Variants in NAA35 observed in about 807,000 individuals in gnomAD.
NAA35 encodes the protein N-alpha-acetyltransferase 35, NatC auxiliary subunit.
In NAA35, 18 loss-of-function variants were observed where a neutral mutation model predicts 101.7. That is an observed-to-expected ratio of 0.18 (90% confidence interval 0.12 to 0.26). NAA35 has a LOEUF of 0.26. Among genes scored for constraint, NAA35 ranks in the 10% least tolerant of loss-of-function variants. NAA35 has a pLI of 1.00. For missense variants in NAA35, 601 were observed against 886.8 expected, an observed-to-expected ratio of 0.68 and a Z score of 4.09; for synonymous variants, 267 against 273.1, an observed-to-expected ratio of 0.98 and a Z score of 0.22.
intron 11 of NAA35, among the ~76,000 whole-genome samples, chr9:85,985,186 A>T (rs1407077630): frequency 6.6e-6 from 1 of 152,198 alleles, no homozygotes; most frequent in Non-Finnish European, 1.5e-5. Context: ...GAGCCCTAAT[A>T]CAGTACTGAT....
intron 6 of NAA35, among the ~76,000 whole-genome samples, chr9:85,963,375 A>G (rs750217030): frequency 1.3e-4 from 18 of 142,696 alleles, no homozygotes; most frequent in Non-Finnish European, 1.5e-4. Context: ...GGTTCAAGCT[A>G]TTCTTGTGCC....
rs1480378763 is a variant in NAA35, at chr9:85,991,949, C to T, written c.878-4450C>T. Among the ~76,000 whole-genome samples, 14 of 152,022 alleles carry T rather than the reference C, an allele frequency of 9.2e-5. No homozygotes were observed. In the East Asian group the frequency reaches 1.6e-3, roughly 17 times the overall value. ...CAGCACTTTGGGAGGCCAAGGCAGG[C>T]GGATCACGAGGTCAGGAGATCAAGA... On this transcript the variant is annotated intron_variant, in intron 11 of 22. Coordinates refer to ENST00000361671, the MANE Select transcript of NAA35 (RefSeq NM_024635.4).
At position 85,978,364 on chromosome 9, in the gene NAA35, A is replaced by T; in HGVS notation, c.860A>T (p.Asn287Ile). 1 of 1,604,544 alleles carries T rather than the reference A, an allele frequency of 6.2e-7. No homozygotes were observed. Among genetic ancestry groups the T allele is most frequent in the Non-Finnish European group, 8.5e-7 (1 of 1,171,504 alleles). Residue 287 changes from asparagine (N) to isoleucine (I), a missense_variant, in exon 11 of 23, where the codon AAT becomes ATT. By Grantham distance (149) the Asn-to-Ile change is moderately radical. This residue lies in a region of NAA35 where 190 missense variants were observed against 223.1 expected (regional missense o/e 0.85). Coordinates refer to ENST00000361671, the MANE Select transcript of NAA35 (RefSeq NM_024635.4). ...NSLHHGIQAQNDTTKGDHPIM... is the reference protein window; with the variant it reads ...NSLHHGIQAQIDTTKGDHPIM... ...TTGCATCATGGCATCCAGGCCCAGAATGATACTACAAAAGGAGGTAATTGT... is the reference window on the plus strand; with the variant it reads ...TTGCATCATGGCATCCAGGCCCAGATTGATACTACAAAAGGAGGTAATTGT...
rs12348574 is a variant in NAA35, at chr9:85,999,905, C to T, written c.1056+3328C>T. ...CCACACTCTGTAGATGTTAGCATTT[C>T]GGTGTATTTTGTCATCTGGTTTTAT... On this transcript the variant is annotated intron_variant, in intron 12 of 22. Coordinates refer to ENST00000361671, the MANE Select transcript of NAA35 (RefSeq NM_024635.4). 4.0e-3 allele frequency among the ~76,000 whole-genome samples: 616 copies of T among 152,182 alleles called. 5 individuals are homozygous for T. Among genetic ancestry groups the T allele is most frequent in the African/African-American group, 0.014 (575 of 41,528 alleles).
Position 85,975,148 on chromosome 9 carries a change from A to G in NAA35, c.618A>G (p.Arg206=), listed in dbSNP as rs772424584. The part of the protein sequence containing the change: ...MLKDVEDDMQ[R]RVKSTRSRQG... ...AAGATGTGGAGGATGACATGCAAAG[A>G]AGAGTAAAGGTATATATGTTTTCTG... Residue 206 remains arginine (R), a synonymous_variant, in exon 8 of 23, where the codon AGA becomes AGG. Transcript: ENST00000361671. 1 of 1,613,686 alleles carries G rather than the reference A, an allele frequency of 6.2e-7. No individual in the cohort carries two copies. The highest frequency in any genetic ancestry group is 8.5e-7 in the Non-Finnish European group (1 of 1,179,804).
intron 6 of NAA35, among the ~76,000 whole-genome samples, chr9:85,968,303 C>T (rs540820313): frequency 3.5e-4 from 53 of 152,286 alleles, no homozygotes; most frequent in South Asian, 6.2e-4. Flanking sequence ...CTCCGCTTCC[C>T]GGGTTCACGC....
At chr9:85,988,402 G>A (rs11141171) in intron 11 of NAA35, among the ~76,000 whole-genome samples, 6,208 of 152,152 alleles carry the variant, frequency 0.041, 493 homozygotes, top group East Asian at 0.36. Flanking sequence ...TAGAAAGGGA[G>A]TAAAAGTGAC....
chr9:86,004,465 G>A (rs1336908725), intron 13 of NAA35, among the ~76,000 whole-genome samples: 1 of 151,282 alleles, frequency 6.6e-6, no homozygotes, highest in East Asian at 1.9e-4. Flanking sequence ...GGGCAACAGA[G>A]TGAGACCCTG....
chr9:86,018,670 T>C, intron 20 of NAA35, 29 bp from the exon 21 acceptor site: 1 of 1,597,008 alleles, frequency 6.3e-7, no homozygotes, highest in Admixed American at 1.8e-5. Context: ...ATTAAACGTG[T>C]TTTGAATTAT....
chr9:85,955,327 C>CATATAT lies in NAA35; in HGVS notation c.125-1004_125-999dup, dbSNP rs1173706353. Among the ~76,000 whole-genome samples, 230 of 82,754 alleles carry CATATAT rather than the reference C, an allele frequency of 2.8e-3. 5 individuals are homozygous for CATATAT. Among genetic ancestry groups the CATATAT allele is most frequent in the Non-Finnish European group, 3.8e-3 (186 of 48,580 alleles). 54.3% of individuals were successfully genotyped at this position (82,754 alleles called of 152,430 possible). ...TCCACAGGATTTAGCCATCTATATA[C>CATATAT]ATATATATATATATATATATATATA... is the stretch of plus-strand genomic sequence containing the variant. On this transcript the variant is annotated intron_variant, in intron 2 of 22. Coordinates refer to ENST00000361671, the MANE Select transcript of NAA35 (RefSeq NM_024635.4).
intron 17 of NAA35, among the ~76,000 whole-genome samples, chr9:86,014,739 G>A (rs1017868905): frequency 7.2e-5 from 11 of 152,172 alleles, no homozygotes; most frequent in Admixed American, 5.9e-4. Flanking sequence ...GAGCAGTGAA[G>A]GCTTTTGACA....
At chr9:85,943,210 A>C (rs1178496683) in intron 2 of NAA35, among the ~76,000 whole-genome samples, 4 of 152,174 alleles carry the variant, frequency 2.6e-5, no homozygotes, top group Non-Finnish European at 4.4e-5. Flanking sequence ...GATAAGAGAA[A>C]GGAACAAATT....
In NAA35 at chr9:86,003,764, A is replaced by T. The variant is rs187129874; in HGVS notation, c.1116+120A>T. ...AAGGATTTTCCAGTTAGTGTTGTGT[A>T]TTTTTTTTTTAATTGAAGTATTAAC... is the stretch of plus-strand genomic sequence containing the variant. On this transcript the variant is annotated intron_variant, in intron 13 of 22. Coordinates refer to ENST00000361671, the MANE Select transcript of NAA35 (RefSeq NM_024635.4). 1,332 of 482,258 alleles carry T rather than the reference A, an allele frequency of 2.8e-3. 14 individuals are homozygous for T. Among genetic ancestry groups the T allele is most frequent in the African/African-American group, 0.024 (1,179 of 49,248 alleles). 29.9% of individuals were successfully genotyped at this position (482,258 alleles called of 1,614,324 possible).
At chr9:85,959,386 A>C (rs1327718734) in intron 4 of NAA35, among the ~76,000 whole-genome samples, 2 of 151,318 alleles carry the variant, frequency 1.3e-5, no homozygotes, top group African/African-American at 4.8e-5. Flanking sequence ...CAAAAAAAAA[A>C]AAACAAAAAA....
At chr9:86,018,481 C>T (rs372910296) in intron 20 of NAA35, 86 bp downstream of exon 20, 2 of 1,435,118 alleles carry the variant, frequency 1.4e-6, no homozygotes. Context: ...CATCTTGTTA[C>T]ATTAACAGTT....
chr9:85,944,831 C>T (rs997571490), intron 2 of NAA35, among the ~76,000 whole-genome samples: 1 of 152,180 alleles, frequency 6.6e-6, no homozygotes, highest in Non-Finnish European at 1.5e-5. Flanking sequence ...GGCAGCTGTA[C>T]AAATTTTTAT....
chr9:86,003,069 G>A (rs552190912), intron 12 of NAA35, among the ~76,000 whole-genome samples: 2 of 152,278 alleles, frequency 1.3e-5, no homozygotes, highest in African/African-American at 2.4e-5. Flanking sequence ...TTTATTTGAA[G>A]CTGACTTCTT....
Position 85,964,737 on chromosome 9 carries a change from G to A in NAA35, c.516+2557G>A, listed in dbSNP as rs556044379. Among the ~76,000 whole-genome samples, 35 of 152,258 alleles carry A rather than the reference G, an allele frequency of 2.3e-4. No individual in the cohort carries two copies. In the South Asian group the frequency reaches 5.6e-3, roughly 24 times the overall value. On this transcript the variant is annotated intron_variant, in intron 6 of 22. Coordinates refer to ENST00000361671, the MANE Select transcript of NAA35 (RefSeq NM_024635.4). ...GATTAAGATTGTGCAATCTTGGCTG[G>A]AATATAACATAAGTGATGTGTGTTT...
chr9:85,969,643 TC>T (rs918529326), intron 6 of NAA35, among the ~76,000 whole-genome samples: 1 of 152,040 alleles, frequency 6.6e-6, no homozygotes, highest in African/African-American at 2.4e-5. Flanking sequence ...TTCAGCCAGA[TC>T]CTTTTTAAAA....
Sources: gnomAD v4.1 joint callset for allele counts (sites outside exome capture counted in the v4.1 genomes callset) on GRCh38, gnomAD v4.1.1 for gene constraint, gnomAD v4.1.1 regional missense constraint, MANE v1.5 for transcripts, NCBI Gene and HGNC (gene_info 2026-07-23, HGNC 2026-07-21) for gene names.